The following ADGRG6 variants were observed in gnomAD, a reference collection of about 807,000 sequenced individuals.
ADGRG6 encodes the protein G-protein coupled receptor 126.
A neutral mutation model predicts 142.4 loss-of-function variants in ADGRG6; 84 were observed. That is an observed-to-expected ratio of 0.59 (90% confidence interval 0.49 to 0.71). ADGRG6 has a LOEUF of 0.71. ADGRG6 is among the 30% of genes least tolerant of loss of function. The pLI, the probability that ADGRG6 is intolerant of heterozygous loss-of-function variation, is 0.00. For missense variants in ADGRG6, 1,367 were observed against 1,466.6 expected (o/e 0.93, Z 1.11); for synonymous variants, 521 against 520.5 (o/e 1.00, Z -0.01).
At chr6:142,386,116 A>G (rs897822634) in intron 6 of ADGRG6, among the ~76,000 whole-genome samples, 11 of 152,236 alleles carry the variant, frequency 7.2e-5, no homozygotes, top group Non-Finnish European at 1.0e-4. Flanking sequence ...TAGTATATCA[A>G]TAGAATTTGT....
chr6:142,405,963 T>G, intron 15 of ADGRG6, 135 bp downstream of exon 15: 1 of 566,882 alleles, frequency 1.8e-6, no homozygotes, highest in Non-Finnish European at 3.0e-6. Flanking sequence ...AACTGAAAAT[T>G]TTTAATATAA....
chr6:142,332,190 A>G lies in ADGRG6; in HGVS notation c.103+22546A>G, dbSNP rs146598395. Among the ~76,000 whole-genome samples the G allele has an allele frequency of 2.9e-3, 436 of 152,252 alleles. 1 individual carries two copies. The highest frequency in any genetic ancestry group is 9.1e-3 in the African/African-American group (378 of 41,558). On this transcript the variant is annotated intron_variant, in intron 2 of 24. Coordinates refer to ENST00000367609, the MANE Select transcript of ADGRG6 (RefSeq NM_198569.3). ...TTCGATCACTGTAAAATAACTATAC[A>G]TATGTAGTATATTATTGGTTCTTTT...
intron 2 of ADGRG6, among the ~76,000 whole-genome samples, chr6:142,351,049 C>A (rs1780147424): frequency 6.6e-6 from 1 of 151,998 alleles, no homozygotes; most frequent in Admixed American, 6.6e-5. Context: ...TCCTGGCTAA[C>A]ACGGTGAAAC....
At chr6:142,341,202 G>A (rs1779601496) in intron 2 of ADGRG6, among the ~76,000 whole-genome samples, 3 of 150,638 alleles carry the variant, frequency 2.0e-5, no homozygotes, top group South Asian at 4.2e-4. Flanking sequence ...GTTAAGAGAA[G>A]AGGTTCTGGA....
chr6:142,340,953 C>T (rs576959485), intron 2 of ADGRG6, among the ~76,000 whole-genome samples: 1 of 152,076 alleles, frequency 6.6e-6, no homozygotes, highest in East Asian at 1.9e-4. Context: ...TTTTAACTTG[C>T]ATAGAAAATA....
intron 9 of ADGRG6, among the ~76,000 whole-genome samples, chr6:142,395,433 A>G (rs376092269): frequency 5.9e-5 from 9 of 152,288 alleles, no homozygotes; most frequent in African/African-American, 1.4e-4. Flanking sequence ...AGCCAATGGT[A>G]TACCTTCTTC....
intron 2 of ADGRG6, among the ~76,000 whole-genome samples, chr6:142,318,312 T>G (rs1484267356): frequency 1.1e-5 from 1 of 92,894 alleles, no homozygotes; most frequent in African/African-American, 4.5e-5. Flanking sequence ...ATTTATATTA[T>G]ATATTTATAT....
At chr6:142,317,776 ATATATT>A (rs1431400696) in intron 2 of ADGRG6, among the ~76,000 whole-genome samples, 4 of 97,170 alleles carry the variant, frequency 4.1e-5, no homozygotes, top group African/African-American at 1.7e-4. Flanking sequence ...TTTATATCAT[ATATATT>A]TATATATAAT....
chr6:142,345,798 T>C (rs936092352), intron 2 of ADGRG6, among the ~76,000 whole-genome samples: 1 of 152,172 alleles, frequency 6.6e-6, no homozygotes, highest in African/African-American at 2.4e-5. Flanking sequence ...TTTGACTATT[T>C]CAGTAGTCAA....
chr6:142,383,746 A>C lies in ADGRG6; in HGVS notation c.1139-14A>C. On this transcript the variant is annotated splice_polypyrimidine_tract_variant and intron_variant, in intron 5 of 24. Transcript: ENST00000367609. ...CTCTTTGCAAAATTACATCTTTCTC[A>C]TCTTTATTACCAGCTACTGTAAACT... 7.4e-7 allele frequency: 1 copy of C among 1,359,942 alleles called. No individual in the cohort carries two copies. The highest frequency in any genetic ancestry group is 2.3e-5 in the East Asian group (1 of 43,576). 84.2% of individuals were successfully genotyped at this position (1,359,942 alleles called of 1,614,324 possible).
intron 2 of ADGRG6, among the ~76,000 whole-genome samples, chr6:142,362,414 T>C (rs1780768357): frequency 6.6e-6 from 1 of 152,218 alleles, no homozygotes; most frequent in African/African-American, 2.4e-5. Flanking sequence ...AATGAACTGG[T>C]ATTCTGGCAT....
intron 4 of ADGRG6, among the ~76,000 whole-genome samples, chr6:142,376,672 A>G (rs1781519098): frequency 6.6e-6 from 1 of 152,196 alleles, no homozygotes; most frequent in Non-Finnish European, 1.5e-5. Context: ...TTTTTAAATA[A>G]TAAAATTAAG....
At chr6:142,333,267 G>A (rs1285227950) in intron 2 of ADGRG6, among the ~76,000 whole-genome samples, 2 of 152,134 alleles carry the variant, frequency 1.3e-5, no homozygotes, top group Non-Finnish European at 1.5e-5. Context: ...GTTAGAAAAA[G>A]AGCACTGTCT....
intron 2 of ADGRG6, among the ~76,000 whole-genome samples, chr6:142,363,002 C>T (rs1383742528): frequency 6.6e-6 from 1 of 152,080 alleles, no homozygotes; most frequent in African/African-American, 2.4e-5. Flanking sequence ...TAAATGCAGA[C>T]CAAGCAGGCA....
chr6:142,374,775 T>G (rs1781417799), intron 4 of ADGRG6, among the ~76,000 whole-genome samples: 1 of 152,232 alleles, frequency 6.6e-6, no homozygotes, highest in Admixed American at 6.5e-5. Flanking sequence ...AAAAATTATT[T>G]TAAATTATTT....
intron 22 of ADGRG6, among the ~76,000 whole-genome samples, chr6:142,436,186 T>A (rs1777477244): frequency 6.6e-6 from 1 of 152,238 alleles, no homozygotes; most frequent in South Asian, 2.1e-4. Context: ...TTTAGAAGTG[T>A]TGGTACCCAA....
chr6:142,364,227 A>G (rs1190011871), intron 2 of ADGRG6, among the ~76,000 whole-genome samples: 1 of 152,144 alleles, frequency 6.6e-6, no homozygotes, highest in African/African-American at 2.4e-5. Flanking sequence ...ATTGCTCTAT[A>G]AGTATAATGA....
chr6:142,374,653 C>T (rs768724143), intron 4 of ADGRG6, among the ~76,000 whole-genome samples: 8 of 152,120 alleles, frequency 5.3e-5, no homozygotes, highest in Non-Finnish European at 8.8e-5. Context: ...TCCCTTTATA[C>T]GGGCCAGGAA....
Position 142,302,231 on chromosome 6 carries a change from G to T in ADGRG6, c.-99G>T. Reference sequence around the variant, plus strand: ...GGTCCCGCCGCGGCGCAGGGCTGGGGCGCCTGGGTTCCCCCTGGGTGGAGC... The same window carrying T: ...GGTCCCGCCGCGGCGCAGGGCTGGGTCGCCTGGGTTCCCCCTGGGTGGAGC... On this transcript the variant is annotated 5_prime_UTR_variant, in exon 1 of 25. Coordinates refer to ENST00000367609, the MANE Select transcript of ADGRG6 (RefSeq NM_198569.3). 7.0e-7 allele frequency: 1 copy of T among 1,419,620 alleles called. No individual in the cohort carries two copies. The highest frequency in any genetic ancestry group is 9.7e-7 in the Non-Finnish European group (1 of 1,030,952). 87.9% of individuals were successfully genotyped at this position (1,419,620 alleles called of 1,614,324 possible).
Sources: gnomAD v4.1 joint callset for allele counts (sites outside exome capture counted in the v4.1 genomes callset) on GRCh38, gnomAD v4.1.1 for gene constraint, MANE v1.5 for transcripts, NCBI Gene and HGNC (gene_info 2026-07-23, HGNC 2026-07-21) for gene names.